The following SNX30 variants were observed in gnomAD, a reference collection of about 807,000 sequenced individuals.
SNX30 encodes sorting nexin family member 30.
In SNX30, 24 loss-of-function variants were observed where a neutral mutation model predicts 46.4. The observed-to-expected ratio is 0.52, with a 90% CI of 0.37 to 0.73. The LOEUF (loss-of-function observed/expected upper bound fraction) is 0.73, where lower values mean the gene tolerates loss of function less well. SNX30 is among the 30% of genes least tolerant of loss of function. The pLI is 0.00. For missense variants in SNX30, 533 were observed against 555.7 expected (o/e 0.96, Z 0.41); for synonymous variants, 189 against 211.5 (o/e 0.89, Z 0.92).
chr9:112,787,845 A>G (rs787273), intron 1 of SNX30, among the ~76,000 whole-genome samples: 6,192 of 151,176 alleles, frequency 0.041, 182 homozygotes, highest in South Asian at 0.069. Context: ...CGCCCAGGGT[A>G]GAGTACAGTG....
At chr9:112,781,757 G>T (rs998049413) in intron 1 of SNX30, among the ~76,000 whole-genome samples, 2 of 151,756 alleles carry the variant, frequency 1.3e-5, no homozygotes, top group Non-Finnish European at 2.9e-5. Context: ...TCAGCCTCCT[G>T]AGTAGCTGGG....
rs56856142 is a variant in SNX30, at chr9:112,817,401, C to CTTTTTTTTTTTTTTTTTT, written c.349-291_349-274dup. On this transcript the variant is annotated intron_variant, in intron 2 of 8. Transcript: ENST00000374232. ...CGGTAGGGAAAAAAAAAAAAACTGG[C>CTTTTTTTTTTTTTTTTTT]TTTTTTTTTTTTTTTTTTTTTTTTT... 4.4e-3 allele frequency among the ~76,000 whole-genome samples: 207 copies of CTTTTTTTTTTTTTTTTTT among 46,838 alleles called. 51 individuals carry two copies. The highest frequency in any genetic ancestry group is 0.022 in the East Asian group (17 of 774). The allele number at this position is 46,838 out of a possible 152,430, so 30.7% of individuals were successfully genotyped here. A position where few individuals can be genotyped will look rare whatever the true frequency, so the allele number is the denominator to read the frequency against.
chr9:112,852,550 T>C (rs1439494780), intron 7 of SNX30, among the ~76,000 whole-genome samples: 1 of 152,174 alleles, frequency 6.6e-6, no homozygotes, highest in Non-Finnish European at 1.5e-5. Flanking sequence ...CATGTATGTG[T>C]AAAATTTCAT....
At chr9:112,843,892 A>G (rs953927497) in intron 6 of SNX30, among the ~76,000 whole-genome samples, 2 of 152,208 alleles carry the variant, frequency 1.3e-5, no homozygotes, top group Non-Finnish European at 2.9e-5. Flanking sequence ...AGCGTCTTAA[A>G]GACCATCTTA....
chr9:112,751,615 T>G (rs1839278525), intron 1 of SNX30, among the ~76,000 whole-genome samples: 1 of 152,216 alleles, frequency 6.6e-6, no homozygotes, highest in African/African-American at 2.4e-5. Flanking sequence ...AGCGAGAGTC[T>G]TCTTCCCCCT....
At chr9:112,848,981 G>T (rs1250403249) in intron 6 of SNX30, among the ~76,000 whole-genome samples, 29 of 152,218 alleles carry the variant, frequency 1.9e-4, no homozygotes, top group Non-Finnish European at 1.5e-5. Context: ...CTTTAGTTAG[G>T]AGGCTCTTGC....
chr9:112,879,628 C>G, downstream of SNX30: 1 of 763,966 alleles, frequency 1.3e-6, no homozygotes, highest in South Asian at 1.9e-5. Flanking sequence ...GCAGGTCATT[C>G]TGAGGCCAAC....
intron 6 of SNX30, among the ~76,000 whole-genome samples, chr9:112,848,505 G>C (rs1232056646): frequency 6.6e-6 from 1 of 152,212 alleles, no homozygotes; most frequent in Non-Finnish European, 1.5e-5. Flanking sequence ...CAGCCTGAAT[G>C]AGCCACTGCT....
intron 8 of SNX30, among the ~76,000 whole-genome samples, chr9:112,865,165 A>AC (rs1158394298): frequency 1.0e-4 from 5 of 49,498 alleles, no homozygotes; most frequent in African/African-American, 3.4e-4. Context: ...CCCACACACA[A>AC]CCCCCCCACA....
chr9:112,870,376 T>C lies in SNX30; in HGVS notation c.*1533T>C, dbSNP rs1841426740. On this transcript the variant is annotated 3_prime_UTR_variant, in exon 9 of 9. Coordinates refer to ENST00000374232, the MANE Select transcript of SNX30 (RefSeq NM_001012994.2). Reference sequence around the variant, plus strand: ...CAGCGGGCAGCACGTCAAGGTCACTTAAGCCCACTTTTAACTGCAGGTCAT... The same window carrying C: ...CAGCGGGCAGCACGTCAAGGTCACTCAAGCCCACTTTTAACTGCAGGTCAT... 6.6e-6 allele frequency: 1 copy of C among 152,260 alleles called. No homozygotes were observed. The highest frequency in any genetic ancestry group is 6.5e-5 in the Admixed American group (1 of 15,286). The allele number at this position is 152,260 out of a possible 1,614,324, so 9.4% of individuals were successfully genotyped here.
Position 112,807,052 on chromosome 9 carries a change from C to CT in SNX30, c.348+2115dup, listed in dbSNP as rs10554051. On this transcript the variant is annotated intron_variant, in intron 2 of 8. Coordinates refer to ENST00000374232, the MANE Select transcript of SNX30 (RefSeq NM_001012994.2). ...TACTACTCTGTCTTTTCTTTTCTATCTTTTTTTTTTTTTTTTTTTTTTTTT... is the reference window on the plus strand; with the variant it reads ...TACTACTCTGTCTTTTCTTTTCTATCTTTTTTTTTTTTTTTTTTTTTTTTTT... 4.1e-4 allele frequency among the ~76,000 whole-genome samples: 26 copies of CT among 63,030 alleles called. 1 individual carries two copies. Among genetic ancestry groups the CT allele is most frequent in the Non-Finnish European group, 5.6e-4 (21 of 37,814 alleles). 41.4% of individuals were successfully genotyped at this position (63,030 alleles called of 152,430 possible).
At chr9:112,843,772 G>A (rs1294740866) in intron 6 of SNX30, among the ~76,000 whole-genome samples, 3 of 151,680 alleles carry the variant, frequency 2.0e-5, no homozygotes, top group Admixed American at 6.6e-5. Context: ...GCACCACCAC[G>A]CCCGGCTAAT....
At chr9:112,838,448 C>A in intron 5 of SNX30, 50 bp from the exon 6 acceptor site, 1 of 1,514,516 alleles carries the variant, frequency 6.6e-7, no homozygotes, top group Non-Finnish European at 9.0e-7. Context: ...TCAGTAATAG[C>A]AGCAACTGCT....
At chr9:112,854,632 C>G (rs1841090886) in intron 7 of SNX30, among the ~76,000 whole-genome samples, 1 of 152,142 alleles carries the variant, frequency 6.6e-6, no homozygotes, top group Non-Finnish European at 1.5e-5. Context: ...GGTGGTGTGC[C>G]AGTGAATGTA....
intron 1 of SNX30, among the ~76,000 whole-genome samples, chr9:112,779,577 C>A (rs954851484): frequency 6.6e-6 from 1 of 152,116 alleles, no homozygotes; most frequent in African/African-American, 2.4e-5. Flanking sequence ...TGCCTGTAGT[C>A]CCAGCTACTT....
At chr9:112,865,661 A>ATGTGTGTGTGTGTGTGTGTGTGTGTG (rs1277699270) in intron 8 of SNX30, among the ~76,000 whole-genome samples, 1 of 105,700 alleles carries the variant, frequency 9.5e-6, no homozygotes, top group Non-Finnish European at 1.9e-5. Context: ...ATATATATAT[A>ATGTGTGTGTGTGTGTGTGTGTGTGTG]TGTATGTATG....
chr9:112,777,799 G>C (rs1195357938), intron 1 of SNX30, among the ~76,000 whole-genome samples: 1 of 151,908 alleles, frequency 6.6e-6, no homozygotes, highest in Non-Finnish European at 1.5e-5. Context: ...CTGAGTGGTT[G>C]CTATGTGCCA....
At chr9:112,771,093 G>A (rs1202751458) in intron 1 of SNX30, among the ~76,000 whole-genome samples, 2 of 107,534 alleles carry the variant, frequency 1.9e-5, no homozygotes, top group South Asian at 3.8e-4. Flanking sequence ...ATCTTGCTTC[G>A]CAGAACTTAA....
At chr9:112,861,786 C>T (rs1841239248) in intron 7 of SNX30, among the ~76,000 whole-genome samples, 1 of 152,168 alleles carries the variant, frequency 6.6e-6, no homozygotes, top group East Asian at 1.9e-4. Flanking sequence ...TCTGGAGTGC[C>T]TTCCAAGTGG....
Sources: gnomAD v4.1 joint callset for allele counts (sites outside exome capture counted in the v4.1 genomes callset) on GRCh38, gnomAD v4.1.1 for gene constraint, MANE v1.5 for transcripts, NCBI Gene and HGNC (gene_info 2026-07-23, HGNC 2026-07-21) for gene names.